Variants in SERPINI1 observed in about 807,000 individuals in gnomAD.
SERPINI1 encodes neuroserpin.
In SERPINI1, 19 loss-of-function variants were observed where a neutral mutation model predicts 41.1. The observed-to-expected ratio is 0.46, with a 90% CI of 0.32 to 0.68. The LOEUF is 0.68. Ranked by LOEUF, SERPINI1 falls within the 30% of genes least tolerant of loss-of-function variation. The pLI is 0.03. For missense variants in SERPINI1, 460 were observed against 479.2 expected, an observed-to-expected ratio of 0.96 and a Z score of 0.37; for synonymous variants, 138 against 156.6, an observed-to-expected ratio of 0.88 and a Z score of 0.89.
intron 1 of SERPINI1, among the ~76,000 whole-genome samples, chr3:167,786,986 TTTTC>T (rs1347451351): frequency 6.6e-6 from 1 of 152,192 alleles, no homozygotes; most frequent in Admixed American, 6.5e-5. Flanking sequence ...TACAAAAGCA[TTTTC>T]TTTCTTTATA....
chr3:167,755,340 A>C (rs1014527991), intron 1 of SERPINI1, among the ~76,000 whole-genome samples: 2 of 152,216 alleles, frequency 1.3e-5, no homozygotes, highest in Non-Finnish European at 2.9e-5. Context: ...AGCAGTGCAC[A>C]TTCACTCCTG....
rs536732681 is a variant in SERPINI1 at position 167,764,057 on chromosome 3, C to A, written c.-18-25054C>A. 3.9e-5 allele frequency among the ~76,000 whole-genome samples: 6 copies of A among 152,058 alleles called. No homozygotes were observed. In the South Asian group the frequency reaches 1.2e-3, roughly 32 times the overall value. On this transcript the variant is annotated intron_variant, in intron 1 of 8. Transcript: ENST00000446050. ...AAGGACACCTTTTGTTTCCTGGTAT[C>A]TTTATTGCAAAAAACACTTAAATAA... is the stretch of plus-strand genomic sequence containing the variant.
intron 6 of SERPINI1, among the ~76,000 whole-genome samples, chr3:167,817,044 G>A (rs186948256): frequency 1.8e-4 from 28 of 151,942 alleles, no homozygotes; most frequent in African/African-American, 6.8e-4. Context: ...GAGAGGGAGA[G>A]CAAGCAGGAG....
chr3:167,775,536 A>G (rs1726942422), intron 1 of SERPINI1, among the ~76,000 whole-genome samples: 1 of 152,086 alleles, frequency 6.6e-6, no homozygotes, highest in African/African-American at 2.4e-5. Context: ...ACAATTGGGG[A>G]GCAACTTTAT....
At chr3:167,792,418 G>T (rs1338439855) in intron 3 of SERPINI1, among the ~76,000 whole-genome samples, 172 bp from the exon 4 acceptor site, 1 of 151,850 alleles carries the variant, frequency 6.6e-6, no homozygotes, top group Non-Finnish European at 1.5e-5. Flanking sequence ...GTGTGTATGT[G>T]TGTGTGTATA....
rs1391850018 is a variant in SERPINI1 at position 167,772,893 on chromosome 3, T to TATATATATAC, written c.-18-16217_-18-16216insTATATATACA. 2.4e-3 allele frequency among the ~76,000 whole-genome samples: 125 copies of TATATATATAC among 52,164 alleles called. 2 individuals are homozygous for TATATATATAC. Among genetic ancestry groups the TATATATATAC allele is most frequent in the South Asian group, 6.4e-3 (10 of 1,558 alleles). The allele number at this position is 52,164 out of a possible 152,430, so 34.2% of individuals were successfully genotyped here. On this transcript the variant is annotated intron_variant, in intron 1 of 8. Coordinates refer to ENST00000446050, the MANE Select transcript of SERPINI1 (RefSeq NM_001122752.2). Reference sequence around the variant, plus strand: ...ATATATATATATATATATATATATATACACACACACACACACACACACACA... The same window carrying TATATATATAC: ...ATATATATATATATATATATATATATATATATATACACACACACACACACACACACACACA...
intron 1 of SERPINI1, among the ~76,000 whole-genome samples, chr3:167,766,880 T>C (rs1033016133): frequency 6.6e-6 from 1 of 152,128 alleles, no homozygotes; most frequent in Non-Finnish European, 1.5e-5. Flanking sequence ...TTCATGAGGT[T>C]TAAGAAAGGA....
intron 4 of SERPINI1, among the ~76,000 whole-genome samples, chr3:167,793,770 A>G (rs1324604118): frequency 2.0e-5 from 3 of 150,302 alleles, no homozygotes; most frequent in Non-Finnish European, 4.4e-5. Context: ...ATATACATAC[A>G]GGTTTTATAT....
At chr3:167,749,703 T>C (rs1313550535) in intron 1 of SERPINI1, among the ~76,000 whole-genome samples, 2 of 152,208 alleles carry the variant, frequency 1.3e-5, no homozygotes, top group South Asian at 4.1e-4. Context: ...TTCCTTGCTG[T>C]GAAATTCACC....
chr3:167,793,153 A>G (rs1239082899), intron 4 of SERPINI1, among the ~76,000 whole-genome samples: 1 of 152,180 alleles, frequency 6.6e-6, no homozygotes, highest in African/African-American at 2.4e-5. Flanking sequence ...TTTTTAAATT[A>G]CAAACATTCT....
intron 1 of SERPINI1, among the ~76,000 whole-genome samples, chr3:167,781,618 A>G (rs952559941): frequency 9.9e-5 from 12 of 121,740 alleles, no homozygotes; most frequent in African/African-American, 3.6e-4. Context: ...ATTTCTCCCT[A>G]GTTATTTCTT....
chr3:167,787,876 CAG>C (rs1341213201), intron 1 of SERPINI1, among the ~76,000 whole-genome samples: 1 of 152,210 alleles, frequency 6.6e-6, no homozygotes, highest in Non-Finnish European at 1.5e-5. Context: ...ATAAATGTTA[CAG>C]GACTGATTAG....
chr3:167,817,582 T>TTTTA (rs1430954749), intron 6 of SERPINI1, among the ~76,000 whole-genome samples: 32 of 151,818 alleles, frequency 2.1e-4, no homozygotes, highest in African/African-American at 5.3e-4. Context: ...TCAATTTTAT[T>TTTTA]TTTATTTATT....
chr3:167,811,982 G>A (rs1711904252), intron 6 of SERPINI1, among the ~76,000 whole-genome samples: 1 of 152,138 alleles, frequency 6.6e-6, no homozygotes, highest in African/African-American at 2.4e-5. Flanking sequence ...TAGCATATGT[G>A]ATTTAGCAGT....
intron 1 of SERPINI1, among the ~76,000 whole-genome samples, chr3:167,761,984 TG>T (rs541898087): frequency 7.4e-4 from 113 of 152,304 alleles, no homozygotes; most frequent in African/African-American, 2.6e-3. Context: ...ATACCTAGTA[TG>T]GTACTTTCCC....
At chr3:167,792,498 C>G (rs1727560829) in intron 3 of SERPINI1, 92 bp from the exon 4 acceptor site, 1 of 1,010,300 alleles carries the variant, frequency 9.9e-7, no homozygotes, top group East Asian at 2.5e-5. Context: ...TTCTCTGGAC[C>G]ACTCTATCAG....
At position 167,792,657 on chromosome 3, in the gene SERPINI1, T is replaced by A. The variant is rs750601672; in HGVS notation, c.549T>A (p.Ala183=). The A allele has an allele frequency of 6.2e-7, 1 of 1,613,866 alleles. No homozygotes were observed. The part of the protein sequence containing the change: ...DAATYLALIN[A]VYFKGNWKSQ... The stretch of plus-strand genomic sequence containing the variant: ...CCACTTATCTGGCCCTCATTAATGC[T>A]GTCTATTTCAAGGGGAACTGGAAGT... Residue 183 remains alanine, a synonymous_variant, in exon 4 of 9, where the codon GCT becomes GCA. Transcript: ENST00000446050.
chr3:167,766,224 TAA>T (rs34346585), intron 1 of SERPINI1, among the ~76,000 whole-genome samples: 22 of 126,072 alleles, frequency 1.7e-4, no homozygotes, highest in Non-Finnish European at 1.2e-4. Context: ...GCAATTTACC[TAA>T]AAAAAAAAAA....
At chr3:167,748,842 G>T (rs1725950737) in intron 1 of SERPINI1, among the ~76,000 whole-genome samples, 1 of 151,024 alleles carries the variant, frequency 6.6e-6, no homozygotes, top group Admixed American at 6.6e-5. Context: ...ATGCTCTGTT[G>T]TCTTACACTG....
Sources: gnomAD v4.1 joint callset for allele counts (sites outside exome capture counted in the v4.1 genomes callset) on GRCh38, gnomAD v4.1.1 for gene constraint, MANE v1.5 for transcripts, NCBI Gene and HGNC (gene_info 2026-07-23, HGNC 2026-07-21) for gene names.